GABPB2: variants seen among roughly 807,000 people sequenced by gnomAD.
GABPB2 encodes GA-binding protein subunit beta-2.
Under a neutral mutation model 39.1 loss-of-function variants are expected in GABPB2, and 23 were observed. That is an observed-to-expected ratio of 0.59 (90% CI 0.42 to 0.83). The LOEUF is 0.83. Ranked by LOEUF, GABPB2 falls within the 40% of genes least tolerant of loss-of-function variation. The pLI, the probability that GABPB2 is intolerant of heterozygous loss-of-function variation, is 0.00. For synonymous variants in GABPB2, 184 were observed against 199.3 expected, an observed-to-expected ratio of 0.92 and a Z score of 0.65; for missense variants, 467 against 541.1, an observed-to-expected ratio of 0.86 and a Z score of 1.36.
intron 1 of GABPB2, among the ~76,000 whole-genome samples, chr1:151,071,721 C>T (rs1415598918): frequency 2.0e-5 from 3 of 152,246 alleles, no homozygotes; most frequent in Non-Finnish European, 4.4e-5. Flanking sequence ...ATCCCCCCGC[C>T]TTGGCCTTCC....
chr1:151,101,717 C>A (rs1443674975), intron 5 of GABPB2, among the ~76,000 whole-genome samples: 1 of 152,136 alleles, frequency 6.6e-6, no homozygotes, highest in Non-Finnish European at 1.5e-5. Flanking sequence ...CCAGCATCAC[C>A]AGGCAGGACA....
At chr1:151,100,455 G>T (rs1433760032) in intron 5 of GABPB2, among the ~76,000 whole-genome samples, 1 of 149,510 alleles carries the variant, frequency 6.7e-6, no homozygotes, top group Non-Finnish European at 1.5e-5. Context: ...TTTTTTTGTA[G>T]TTTTTAGTAG....
intron 8 of GABPB2, 119 bp downstream of exon 8, chr1:151,117,635 G>A: frequency 9.1e-7 from 1 of 1,099,546 alleles, no homozygotes; most frequent in South Asian, 1.6e-5. Context: ...CCAGGCTGGA[G>A]TACAGTGGCA....
At chr1:151,071,401 A>T (rs1165702068) in intron 1 of GABPB2, among the ~76,000 whole-genome samples, 2 of 150,634 alleles carry the variant, frequency 1.3e-5, no homozygotes, top group African/African-American at 4.9e-5. Context: ...ATTACTAGTG[A>T]ACTCGGTAAT....
Position 151,124,869 on chromosome 1 carries a change from A to G in GABPB2, c.*6613A>G, listed in dbSNP as rs1681317747. 6.6e-6 allele frequency: 1 copy of G among 151,822 alleles called. No homozygotes were observed. The highest frequency in any genetic ancestry group is 2.4e-5 in the African/African-American group (1 of 41,310). The allele number at this position is 151,822 out of a possible 1,614,324, so 9.4% of individuals were successfully genotyped here. ...TGTCTTATTTTTTAGCCTCTTTAGT[A>G]TTAGGGGGTGAGGTGACATTCCTAG... On this transcript the variant is annotated 3_prime_UTR_variant, in exon 9 of 9. Coordinates refer to ENST00000368918, the MANE Select transcript of GABPB2 (RefSeq NM_144618.3).
rs906345841 is a variant in GABPB2, at chr1:151,114,921, A to G, written c.923-2471A>G. On this transcript the variant is annotated intron_variant, in intron 7 of 8. Coordinates refer to ENST00000368918, the MANE Select transcript of GABPB2 (RefSeq NM_144618.3). ...GCTACTCGGGAGGCTGAGGTAGGAG[A>G]ATCACTTGAACCTGGGAGGTGGAGG... Among the ~76,000 whole-genome samples the G allele has an allele frequency of 2.4e-4, 37 of 152,068 alleles. 1 individual carries two copies. Among genetic ancestry groups the G allele is most frequent in the African/African-American group, 8.2e-4 (34 of 41,478 alleles).
chr1:151,124,646 G>A lies in GABPB2; in HGVS notation c.*6390G>A, dbSNP rs1336365284. On this transcript the variant is annotated 3_prime_UTR_variant, in exon 9 of 9. Transcript: ENST00000368918. ...AGGCTTCCTCTTCTCTACTCCTTGT[G>A]CAAACCCATCTCTGGATAGCTAGAA... 6.6e-6 allele frequency: 1 copy of A among 152,002 alleles called. No homozygotes were observed. Among genetic ancestry groups the A allele is most frequent in the East Asian group, 1.9e-4 (1 of 5,190 alleles). 9.4% of individuals were successfully genotyped at this position (152,002 alleles called of 1,614,324 possible).
chr1:151,086,920 T>C (rs587668776), intron 1 of GABPB2, among the ~76,000 whole-genome samples: 17 of 152,308 alleles, frequency 1.1e-4, no homozygotes, highest in African/African-American at 3.8e-4. Flanking sequence ...AGTGGTGCGA[T>C]CTCAGCTCAT....
intron 7 of GABPB2, among the ~76,000 whole-genome samples, chr1:151,111,173 G>A (rs962133680): frequency 4.6e-5 from 7 of 151,812 alleles, no homozygotes; most frequent in African/African-American, 1.2e-4. Context: ...GCAGTGGCAC[G>A]ATCATGACTT....
At chr1:151,095,938 C>G (rs1679063897) in intron 4 of GABPB2, among the ~76,000 whole-genome samples, 1 of 149,724 alleles carries the variant, frequency 6.7e-6, no homozygotes, top group Non-Finnish European at 1.5e-5. Context: ...GTGATGGAGG[C>G]AGGAGAATCG....
intron 4 of GABPB2, among the ~76,000 whole-genome samples, chr1:151,096,340 T>G (rs587759609): frequency 6.6e-6 from 1 of 151,470 alleles, no homozygotes; most frequent in Admixed American, 6.6e-5. Flanking sequence ...GCAGGAACCC[T>G]GGAGGCGGAG....
chr1:151,072,155 TTAAA>T (rs763368598), intron 1 of GABPB2, among the ~76,000 whole-genome samples: 19 of 152,266 alleles, frequency 1.2e-4, no homozygotes, highest in Admixed American at 3.9e-4. Flanking sequence ...ATCCAGATTC[TTAAA>T]TAAACAAAAG....
chr1:151,101,065 T>G, intron 5 of GABPB2, among the ~76,000 whole-genome samples: 1 of 148,442 alleles, frequency 6.7e-6, no homozygotes, highest in African/African-American at 2.5e-5. Flanking sequence ...GGCAGCATGG[T>G]GAAACCTGGT....
chr1:151,089,508 T>G (rs1678485425), intron 2 of GABPB2, among the ~76,000 whole-genome samples: 3 of 152,190 alleles, frequency 2.0e-5, no homozygotes, highest in South Asian at 4.1e-4. Flanking sequence ...TGCTAAATTT[T>G]TATTGCGTCT....
intron 1 of GABPB2, among the ~76,000 whole-genome samples, chr1:151,077,194 A>C (rs1347193365): frequency 6.6e-6 from 1 of 152,136 alleles, no homozygotes; most frequent in African/African-American, 2.4e-5. Flanking sequence ...AAAGCCAATT[A>C]AAGCCCGTTG....
At chr1:151,098,809 C>T (rs1043837659) in intron 5 of GABPB2, among the ~76,000 whole-genome samples, 1 of 152,034 alleles carries the variant, frequency 6.6e-6, no homozygotes, top group Non-Finnish European at 1.5e-5. Flanking sequence ...TTTGACTTGG[C>T]GCGGTGCCTC....
chr1:151,098,361 G>A (rs1272071274), intron 5 of GABPB2, among the ~76,000 whole-genome samples: 1 of 152,168 alleles, frequency 6.6e-6, no homozygotes, highest in South Asian at 2.1e-4. Flanking sequence ...AATTGGATGG[G>A]CATGGTGATG....
At position 151,107,155 on chromosome 1, in the gene GABPB2, C is replaced by A; in HGVS notation, c.855C>A (p.Ile285=). Residue 285 remains isoleucine, a synonymous_variant, in exon 7 of 9, where the codon ATC becomes ATA. Coordinates refer to ENST00000368918, the MANE Select transcript of GABPB2 (RefSeq NM_144618.3). ...IVTDGVPLGN[I]QTSIPTGGIG... is the part of the protein sequence containing the mutation. The stretch of plus-strand genomic sequence containing the variant: ...CTGATGGAGTCCCTCTGGGTAATAT[C>A]CAAACTTCAATCCCTACTGGAGGCA... The A allele has an allele frequency of 6.2e-7, 1 of 1,613,208 alleles. No homozygotes were observed. The highest frequency in any genetic ancestry group is 1.1e-5 in the South Asian group (1 of 90,904).
chr1:151,074,906 C>T (rs374780925), intron 1 of GABPB2, among the ~76,000 whole-genome samples: 5 of 152,010 alleles, frequency 3.3e-5, no homozygotes, highest in East Asian at 1.9e-4. Context: ...TTTGGGAGGC[C>T]GAGGTGGGTG....
Sources: allele counts gnomAD v4.1 joint callset (sites outside exome capture counted in the v4.1 genomes callset), GRCh38; gene constraint gnomAD v4.1.1; transcripts MANE v1.5; gene names NCBI Gene and HGNC (gene_info 2026-07-23, HGNC 2026-07-21).